ZRANB3: variants seen among roughly 807,000 people sequenced by gnomAD.
ZRANB3 encodes the protein DNA annealing helicase and endonuclease ZRANB3.
Under a neutral mutation model 133.8 loss-of-function variants are expected in ZRANB3, and 125 were observed. The observed-to-expected ratio is 0.93, with a 90% CI of 0.81 to 1.08. The LOEUF (loss-of-function observed/expected upper bound fraction) is 1.08. ZRANB3 is among the 50% of genes least tolerant of loss of function. ZRANB3 has a pLI of 0.00. For missense variants in ZRANB3, 1,229 were observed against 1,275.5 expected (o/e 0.96, Z 0.56); for synonymous variants, 387 against 432.7 (o/e 0.89, Z 1.31).
At position 135,530,210 on chromosome 2, in the gene ZRANB3, A is replaced by C. The variant is rs78620377; in HGVS notation, c.-8+917T>G. Among the ~76,000 whole-genome samples the C allele has an allele frequency of 2.5e-5, 3 of 118,100 alleles. No individual in the cohort carries two copies. In the East Asian group the frequency reaches 8.4e-4, roughly 33 times the overall value. 77.5% of individuals were successfully genotyped at this position (118,100 alleles called of 152,430 possible). A position where few individuals can be genotyped will look rare whatever the true frequency, so the allele number is the denominator to read the frequency against. On this transcript the variant is annotated intron_variant, in intron 1 of 20. Transcript: ENST00000264159. ...GGGGACAGAGCAAGACTCCGTCTCA[A>C]AAAAAAAAAAAAAAAGTGTGTCTGT... is the stretch of plus-strand genomic sequence containing the variant.
intron 20 of ZRANB3, among the ~76,000 whole-genome samples, chr2:135,200,753 GTTTTT>G (rs373759295): frequency 0.048 from 6,082 of 126,436 alleles, 460 homozygotes; most frequent in African/African-American, 0.17. Flanking sequence ...CAAGTGGGAG[GTTTTT>G]TTTTTTTTTT....
intron 2 of ZRANB3, among the ~76,000 whole-genome samples, chr2:135,476,410 T>G (rs1199545284): frequency 6.6e-6 from 1 of 152,278 alleles, no homozygotes; most frequent in South Asian, 2.1e-4. Context: ...GAAAAGTATG[T>G]CTGTAGATAA....
Position 135,265,703 on chromosome 2 carries a change from T to C in ZRANB3, c.1387-17A>G. The C allele has an allele frequency of 6.2e-7, 1 of 1,604,566 alleles. No individual in the cohort carries two copies. Among genetic ancestry groups the C allele is most frequent in the Non-Finnish European group, 8.5e-7 (1 of 1,175,702 alleles). On this transcript the variant is annotated splice_polypyrimidine_tract_variant and intron_variant, in intron 11 of 20. Coordinates refer to ENST00000264159, the MANE Select transcript of ZRANB3 (RefSeq NM_032143.4). ...AACTTGAGCCTACAAGAGGAAAAAG[T>C]AAATGAATTTTTGAGCAGTTCACCT...
intron 2 of ZRANB3, among the ~76,000 whole-genome samples, chr2:135,481,623 G>A (rs1236034191): frequency 6.7e-6 from 1 of 150,032 alleles, no homozygotes; most frequent in East Asian, 2.0e-4. Flanking sequence ...AGTTTAATTA[G>A]ATCCCATTTG....
intron 2 of ZRANB3, among the ~76,000 whole-genome samples, chr2:135,441,643 A>C (rs1300010153): frequency 1.3e-5 from 2 of 152,116 alleles, no homozygotes; most frequent in Non-Finnish European, 2.9e-5. Context: ...TGTATAATAC[A>C]ATACCACAAA....
chr2:135,419,261 A>T (rs1250665113), intron 2 of ZRANB3, among the ~76,000 whole-genome samples: 1 of 151,348 alleles, frequency 6.6e-6, no homozygotes, highest in Non-Finnish European at 1.5e-5. Context: ...TTTCAACCAA[A>T]GTTTTCCTTT....
chr2:135,262,159 C>CA (rs755264566), intron 12 of ZRANB3, among the ~76,000 whole-genome samples: 11,562 of 63,570 alleles, frequency 0.18, 1,481 homozygotes, highest in East Asian at 0.47. Flanking sequence ...ACTCCATCTC[C>CA]AAAAAAAAAA....
chr2:135,495,359 T>G (rs1208054683), intron 2 of ZRANB3, among the ~76,000 whole-genome samples: 1 of 152,236 alleles, frequency 6.6e-6, no homozygotes, highest in Admixed American at 6.5e-5. Context: ...TGCATATTAT[T>G]CTTATTTTTA....
At chr2:135,525,784 G>T (rs1226249744) in intron 1 of ZRANB3, among the ~76,000 whole-genome samples, 1 of 147,616 alleles carries the variant, frequency 6.8e-6, no homozygotes, top group African/African-American at 2.5e-5. Context: ...GGAGGAGGAG[G>T]TTGCAGTGGG....
At chr2:135,491,470 G>A (rs533371898) in intron 2 of ZRANB3, among the ~76,000 whole-genome samples, 4 of 151,142 alleles carry the variant, frequency 2.6e-5, no homozygotes, top group South Asian at 4.2e-4. Context: ...TCAGCCTCCC[G>A]AGTAGCTGGG....
chr2:135,507,302 T>C (rs1002035700), intron 1 of ZRANB3, among the ~76,000 whole-genome samples: 2 of 152,134 alleles, frequency 1.3e-5, no homozygotes, highest in Non-Finnish European at 2.9e-5. Flanking sequence ...AGTGGAAATG[T>C]TGGGTATGCT....
intron 6 of ZRANB3, among the ~76,000 whole-genome samples, chr2:135,319,632 G>A (rs1452012302): frequency 1.3e-5 from 2 of 152,026 alleles, no homozygotes; most frequent in Admixed American, 6.6e-5. Context: ...TTTCAACCTT[G>A]CTTCTCTTCC....
intron 8 of ZRANB3, among the ~76,000 whole-genome samples, chr2:135,285,632 T>C (rs1681320251): frequency 6.6e-6 from 1 of 152,236 alleles, no homozygotes; most frequent in African/African-American, 2.4e-5. Context: ...TTCTGGAAAG[T>C]TGTTAAGGCA....
At chr2:135,353,935 T>C (rs1685320560) in intron 3 of ZRANB3, among the ~76,000 whole-genome samples, 1 of 152,080 alleles carries the variant, frequency 6.6e-6, no homozygotes, top group Admixed American at 6.6e-5. Flanking sequence ...ACCCAGGAAG[T>C]TGACGCTACA....
chr2:135,393,014 G>C (rs1687312589), intron 2 of ZRANB3, among the ~76,000 whole-genome samples: 2 of 151,874 alleles, frequency 1.3e-5, no homozygotes, highest in Non-Finnish European at 2.9e-5. Context: ...GGGACTACAG[G>C]TGTATGCCAC....
chr2:135,478,094 A>G (rs544317841), intron 2 of ZRANB3, among the ~76,000 whole-genome samples: 1 of 152,292 alleles, frequency 6.6e-6, no homozygotes, highest in African/African-American at 2.4e-5. Context: ...ATTGCTTATT[A>G]GAATTTTTCT....
At chr2:135,496,808 C>T (rs1455763585) in intron 2 of ZRANB3, among the ~76,000 whole-genome samples, 1 of 152,204 alleles carries the variant, frequency 6.6e-6, no homozygotes, top group Non-Finnish European at 1.5e-5. Context: ...TCCTTAAACA[C>T]TCCTGTTTTT....
intron 8 of ZRANB3, among the ~76,000 whole-genome samples, chr2:135,307,881 C>G (rs1020922516): frequency 6.6e-6 from 1 of 152,162 alleles, no homozygotes; most frequent in African/African-American, 2.4e-5. Context: ...CAATGGGATA[C>G]TTCTAGCTTG....
At chr2:135,419,829 T>C (rs1688757113) in intron 2 of ZRANB3, among the ~76,000 whole-genome samples, 1 of 151,468 alleles carries the variant, frequency 6.6e-6, no homozygotes, top group Non-Finnish European at 1.5e-5. Flanking sequence ...TTGTGCAAAG[T>C]TGTGGTTTTT....
Sources: allele counts gnomAD v4.1 joint callset (sites outside exome capture counted in the v4.1 genomes callset), GRCh38; gene constraint gnomAD v4.1.1; transcripts MANE v1.5; gene names NCBI Gene and HGNC (gene_info 2026-07-23, HGNC 2026-07-21).